HDAC2: variants seen among roughly 807,000 people sequenced by gnomAD.
HDAC2 encodes the protein YY1-associated factor 1.
A neutral mutation model predicts 68.5 loss-of-function variants in HDAC2; 5 were observed. That is an observed-to-expected ratio of 0.07 (90% CI 0.04 to 0.15). The LOEUF (loss-of-function observed/expected upper bound fraction) is 0.15, where lower values mean the gene tolerates loss of function less well. Ranked by LOEUF, HDAC2 falls within the 10% of genes least tolerant of loss-of-function variation. HDAC2 has a pLI of 1.00. For missense variants in HDAC2, 291 were observed against 600.8 expected (o/e 0.48, Z 5.39); for synonymous variants, 182 against 191.3 (o/e 0.95, Z 0.40).
intron 9 of HDAC2, 57 bp downstream of exon 9, chr6:113,945,950 AG>A: frequency 7.5e-7 from 1 of 1,338,134 alleles, no homozygotes; most frequent in Non-Finnish European, 1.1e-6. Flanking sequence ...CAACATAATT[AG>A]AGGAGCATCT....
intron 1 of HDAC2, among the ~76,000 whole-genome samples, chr6:113,964,732 G>A (rs1186243528): frequency 1.3e-5 from 2 of 152,132 alleles, no homozygotes; most frequent in African/African-American, 4.8e-5. Flanking sequence ...AACTCACAGA[G>A]GTTAACTCTC....
In HDAC2 at chr6:113,934,520, A is replaced by C. The variant is rs943920879; in HGVS notation, c.*6538T>G. 8 of 152,324 alleles carry C rather than the reference A, an allele frequency of 5.3e-5. No homozygotes were observed. The highest frequency in any genetic ancestry group is 3.9e-4 in the Admixed American group (6 of 15,298). The allele number at this position is 152,324 out of a possible 1,614,324, so 9.4% of individuals were successfully genotyped here. On this transcript the variant is annotated 3_prime_UTR_variant, in exon 14 of 14. Coordinates refer to ENST00000519065, the MANE Select transcript of HDAC2 (RefSeq NM_001527.4). ...TGAGGTCAGGTCGGAAGTACAAACA[A>C]TTTAAGATGAGGCTTGTTTACCTTA...
intron 6 of HDAC2, among the ~76,000 whole-genome samples, chr6:113,951,766 C>T (rs1161332540): frequency 6.6e-6 from 1 of 152,098 alleles, no homozygotes; most frequent in Non-Finnish European, 1.5e-5. Context: ...CGCGCCCGGC[C>T]CAGCGATTGT....
At chr6:113,955,964 A>T in intron 5 of HDAC2, 49 bp downstream of exon 5, 1 of 1,381,042 alleles carries the variant, frequency 7.2e-7, no homozygotes, top group Non-Finnish European at 9.9e-7. Flanking sequence ...ATTGTGTTTT[A>T]ATGAAAACAC....
At position 113,943,321 on chromosome 6, in the gene HDAC2, A is replaced by T. The variant is rs781508197; in HGVS notation, c.1378+30T>A. The T allele has an allele frequency of 1.9e-6, 3 of 1,563,616 alleles. No homozygotes were observed. The African/African-American group carries it at 4.1e-5, about 22-fold the overall frequency. Reference sequence around the variant, plus strand: ...AGCCCAATTTTTAAAATTTACAATTAAAACACAATTACCAAGAAACAAATC... The same window carrying T: ...AGCCCAATTTTTAAAATTTACAATTTAAACACAATTACCAAGAAACAAATC... On this transcript the variant is annotated intron_variant, in intron 12 of 13. Coordinates refer to ENST00000519065, the MANE Select transcript of HDAC2 (RefSeq NM_001527.4).
intron 8 of HDAC2, 94 bp from the exon 9 acceptor site, chr6:113,946,242 A>T: frequency 1.0e-6 from 1 of 952,540 alleles, no homozygotes. Context: ...AATGTTACTC[A>T]ACCAAAATGG....
chr6:113,967,078 C>T (rs949197869), intron 1 of HDAC2, among the ~76,000 whole-genome samples: 2 of 152,232 alleles, frequency 1.3e-5, no homozygotes, highest in African/African-American at 2.4e-5. Flanking sequence ...ATCTGACAAT[C>T]GTTGGCTGCC....
chr6:113,970,996 A>G lies in HDAC2; in HGVS notation c.-88T>C. 6.3e-7 allele frequency: 1 copy of G among 1,575,544 alleles called. No individual in the cohort carries two copies. The highest frequency in any genetic ancestry group is 8.6e-7 in the Non-Finnish European group (1 of 1,160,414). On this transcript the variant is annotated 5_prime_UTR_variant, in exon 1 of 14. Transcript: ENST00000519065. The stretch of plus-strand genomic sequence containing the variant: ...CGCCGCGGCTCGGCCGGGAGAGAAA[A>G]GGGCTGAGGGAAACGTGGGGGCGAT...
At chr6:113,944,682 C>CT (rs748096613) in intron 10 of HDAC2, among the ~76,000 whole-genome samples, 18 of 152,200 alleles carry the variant, frequency 1.2e-4, no homozygotes, top group Non-Finnish European at 1.9e-4. Context: ...TTTTTGCAGA[C>CT]AAGGTCTCAC....
intron 1 of HDAC2, among the ~76,000 whole-genome samples, chr6:113,969,025 G>A (rs1776906402): frequency 6.6e-6 from 1 of 152,088 alleles, no homozygotes; most frequent in African/African-American, 2.4e-5. Context: ...CCCTGACAAG[G>A]ATAAATCTCT....
At chr6:113,955,499 C>T (rs552587918) in intron 5 of HDAC2, among the ~76,000 whole-genome samples, 2 of 152,212 alleles carry the variant, frequency 1.3e-5, no homozygotes, top group African/African-American at 2.4e-5. Context: ...GCATGAGCCA[C>T]GGCACTGGCC....
Position 113,945,409 on chromosome 6 carries a change from A to C in HDAC2, c.1044T>G (p.Pro348=), listed in dbSNP as rs367619046. The C allele has an allele frequency of 6.4e-7, 1 of 1,566,000 alleles. No homozygotes were observed. Among genetic ancestry groups the C allele is most frequent in the Non-Finnish European group, 8.8e-7 (1 of 1,136,492 alleles). Residue 348 remains proline (P), a synonymous_variant, in exon 10 of 14, where the codon CCT becomes CCG. Transcript: ENST00000519065. The part of the protein sequence containing the change: ...FGPDFKLHIS[P]SNMTNQNTPE... Reference sequence around the variant, plus strand: ...GAGTGTTCTGGTTTGTCATGTTTGAAGGACTAATATGCAGTTTGAAGTCTG... The same window carrying C: ...GAGTGTTCTGGTTTGTCATGTTTGACGGACTAATATGCAGTTTGAAGTCTG...
At chr6:113,955,954 A>G (rs1180295017) in intron 5 of HDAC2, 59 bp downstream of exon 5, 3 of 1,274,588 alleles carry the variant, frequency 2.4e-6, no homozygotes, top group East Asian at 2.5e-5. Flanking sequence ...GACTTTATTT[A>G]TTGTGTTTTA....
chr6:113,961,971 T>C (rs1776693876), intron 1 of HDAC2, among the ~76,000 whole-genome samples: 1 of 152,008 alleles, frequency 6.6e-6, no homozygotes, highest in Admixed American at 6.6e-5. Context: ...CTCTAACATC[T>C]ACCACATCAT....
chr6:113,950,884 C>T lies in HDAC2; in HGVS notation c.640-1624G>A, dbSNP rs1344662448. 2.6e-5 allele frequency among the ~76,000 whole-genome samples: 4 copies of T among 152,174 alleles called. No individual in the cohort carries two copies. In the East Asian group the frequency reaches 5.8e-4, roughly 22 times the overall value. ...TAGAGTTATGAGACCCAACATCCAA[C>T]GAGGAGAAAGCAAGCAAAATTACAC... On this transcript the variant is annotated intron_variant, in intron 6 of 13. Transcript: ENST00000519065.
rs1485310769 is a variant in HDAC2 at position 113,960,167 on chromosome 6, C to T, written c.53-149G>A. 12 of 631,084 alleles carry T rather than the reference C, an allele frequency of 1.9e-5. No individual in the cohort carries two copies. The South Asian group carries it at 2.2e-4, about 11-fold the overall frequency. 39.1% of individuals were successfully genotyped at this position (631,084 alleles called of 1,614,324 possible). A position where few individuals can be genotyped will look rare whatever the true frequency, so the allele number is the denominator to read the frequency against. On this transcript the variant is annotated intron_variant, in intron 1 of 13. Coordinates refer to ENST00000519065, the MANE Select transcript of HDAC2 (RefSeq NM_001527.4). ...CAACTTAGATTTATTTTGCAACTTT[C>T]AAACTGTATCAGATGACTAAGACGC... is the stretch of plus-strand genomic sequence containing the variant.
intron 6 of HDAC2, among the ~76,000 whole-genome samples, chr6:113,950,884 C>A (rs1344662448): frequency 6.6e-6 from 1 of 152,056 alleles, no homozygotes; most frequent in Non-Finnish European, 1.5e-5. Context: ...CAACATCCAA[C>A]GAGGAGAAAG....
At chr6:113,944,858 C>T (rs1776231733) in intron 10 of HDAC2, among the ~76,000 whole-genome samples, 1 of 152,118 alleles carries the variant, frequency 6.6e-6, no homozygotes, top group Non-Finnish European at 1.5e-5. Flanking sequence ...GGCAAGTGAA[C>T]TTATCAAACA....
chr6:113,954,478 C>G (rs1164868926), intron 5 of HDAC2, among the ~76,000 whole-genome samples: 2 of 152,092 alleles, frequency 1.3e-5, no homozygotes, highest in African/African-American at 4.8e-5. Context: ...TGCACCAAGT[C>G]AATTAATTAA....
Sources: gnomAD v4.1 joint callset for allele counts (sites outside exome capture counted in the v4.1 genomes callset) on GRCh38, gnomAD v4.1.1 for gene constraint, MANE v1.5 for transcripts, NCBI Gene and HGNC (gene_info 2026-07-23, HGNC 2026-07-21) for gene names.